Variants in PALLD observed in about 807,000 individuals in gnomAD.
The protein encoded by PALLD is palladin.
PALLD carries 61 observed loss-of-function variants against 123.5 expected under a neutral mutation model. That is an observed-to-expected ratio of 0.49 (90% CI 0.40 to 0.61). The LOEUF is 0.61. Ranked by LOEUF, PALLD falls within the 20% of genes least tolerant of loss-of-function variation. The pLI is 0.00. For missense variants in PALLD, 1,273 were observed against 1,377.0 expected (o/e 0.92, Z 1.20); for synonymous variants, 465 against 496.4 (o/e 0.94, Z 0.84).
chr4:168,679,087 T>G (rs1347065944), intron 3 of PALLD, among the ~76,000 whole-genome samples: 1 of 122,420 alleles, frequency 8.2e-6, no homozygotes, highest in Non-Finnish European at 1.7e-5. Flanking sequence ...AGTATGGATG[T>G]GTTTGGGGTG....
chr4:168,596,060 G>A (rs1323344869), intron 2 of PALLD, among the ~76,000 whole-genome samples: 1 of 151,522 alleles, frequency 6.6e-6, no homozygotes, highest in Non-Finnish European at 1.5e-5. Context: ...GGTAGTTTAA[G>A]TATACTATTT....
intron 10 of PALLD, among the ~76,000 whole-genome samples, chr4:168,808,846 C>T (rs1740628346): frequency 6.6e-6 from 1 of 152,132 alleles, no homozygotes; most frequent in Non-Finnish European, 1.5e-5. Flanking sequence ...CAATTATCTC[C>T]CACCGGATCC....
intron 1 of PALLD, among the ~76,000 whole-genome samples, chr4:168,499,820 T>C (rs1761209073): frequency 6.6e-6 from 1 of 152,228 alleles, no homozygotes; most frequent in Non-Finnish European, 1.5e-5. Context: ...ATGTGGTACA[T>C]GGTATTAAGT....
chr4:168,801,412 G>C (rs917903419), intron 10 of PALLD, among the ~76,000 whole-genome samples: 1 of 152,128 alleles, frequency 6.6e-6, no homozygotes, highest in Non-Finnish European at 1.5e-5. Flanking sequence ...CTGAGTAGCT[G>C]GGATTATAGG....
chr4:168,725,778 G>A lies in PALLD; in HGVS notation c.1964+13855G>A, dbSNP rs184533491. ...CCTGACCTCATGATCCGCCCGCCTC[G>A]GCCTCCCAAAGTGCTGGGATTACAG... is the stretch of plus-strand genomic sequence containing the variant. On this transcript the variant is annotated intron_variant, in intron 10 of 21. Transcript: ENST00000505667. Among the ~76,000 whole-genome samples, 211 of 151,978 alleles carry A rather than the reference G, an allele frequency of 1.4e-3. 1 individual carries two copies. The East Asian group carries it at 0.019, about 14-fold the overall frequency.
Position 168,796,707 on chromosome 4 carries a change from G to A in PALLD, c.1964+84784G>A, listed in dbSNP as rs889202355. ...GTCAATGCCATTAGGTGCTTGAAGAGAAGTTTAAAAATATTCATATGCAGG... is the reference window on the plus strand; with the variant it reads ...GTCAATGCCATTAGGTGCTTGAAGAAAAGTTTAAAAATATTCATATGCAGG... On this transcript the variant is annotated intron_variant, in intron 10 of 21. Coordinates refer to ENST00000505667, the MANE Select transcript of PALLD (RefSeq NM_001166108.2). 7.2e-5 allele frequency among the ~76,000 whole-genome samples: 11 copies of A among 152,280 alleles called. No homozygotes were observed. In the Middle Eastern group the frequency reaches 0.01, roughly 141 times the overall value.
At chr4:168,818,797 A>G (rs985118132) in intron 10 of PALLD, among the ~76,000 whole-genome samples, 1 of 152,220 alleles carries the variant, frequency 6.6e-6, no homozygotes, top group Admixed American at 6.5e-5. Flanking sequence ...TTATGCAGCA[A>G]TTAAAACTGG....
In PALLD at chr4:168,878,101, G is replaced by A. The variant is rs1332395286; in HGVS notation, c.1965-12821G>A. On this transcript the variant is annotated intron_variant, in intron 10 of 21. Coordinates refer to ENST00000505667, the MANE Select transcript of PALLD (RefSeq NM_001166108.2). Reference sequence around the variant, plus strand: ...GCCGCGCCCCCGTGCCGCCCTTCGCGCAGCCCTTCGGCGCTGAGCCCGAGG... The same window carrying A: ...GCCGCGCCCCCGTGCCGCCCTTCGCACAGCCCTTCGGCGCTGAGCCCGAGG... 3 of 1,444,046 alleles carry A rather than the reference G, an allele frequency of 2.1e-6. No homozygotes were observed. Among genetic ancestry groups the A allele is most frequent in the Admixed American group, 2.7e-5 (1 of 36,500 alleles). The allele number at this position is 1,444,046 out of a possible 1,614,324, so 89.5% of individuals were successfully genotyped here. A position where few individuals can be genotyped will look rare whatever the true frequency, so the allele number is the denominator to read the frequency against.
intron 10 of PALLD, among the ~76,000 whole-genome samples, chr4:168,755,202 C>T (rs898764010): frequency 1.4e-5 from 2 of 146,910 alleles, no homozygotes; most frequent in East Asian, 4.0e-4. Flanking sequence ...CACTGCACTC[C>T]AGCCTGGGCG....
intron 5 of PALLD, among the ~76,000 whole-genome samples, chr4:168,685,068 G>T (rs1029620646): frequency 1.3e-5 from 2 of 152,126 alleles, no homozygotes; most frequent in African/African-American, 4.8e-5. Flanking sequence ...AAATAAGATA[G>T]GTAGATGTTT....
chr4:168,644,006 G>A (rs1043570165), intron 2 of PALLD, among the ~76,000 whole-genome samples: 8 of 151,918 alleles, frequency 5.3e-5, no homozygotes, highest in East Asian at 1.9e-4. Context: ...TTTCAAAACC[G>A]CTTGGTGCCT....
At chr4:168,684,444 T>C (rs866433398) in intron 5 of PALLD, among the ~76,000 whole-genome samples, 6 of 152,154 alleles carry the variant, frequency 3.9e-5, no homozygotes, top group Non-Finnish European at 5.9e-5. Flanking sequence ...TGAATCCCAG[T>C]TCTATCACTT....
intron 10 of PALLD, among the ~76,000 whole-genome samples, chr4:168,879,027 G>A (rs767793773): frequency 1.8e-4 from 27 of 152,138 alleles, no homozygotes; most frequent in Admixed American, 1.8e-3. Flanking sequence ...ACTGGAAGGG[G>A]GCAAAAGCAT....
chr4:168,522,741 G>T (rs1008121394), intron 2 of PALLD, among the ~76,000 whole-genome samples: 1 of 152,152 alleles, frequency 6.6e-6, no homozygotes, highest in African/African-American at 2.4e-5. Context: ...CTACCAGTTG[G>T]TGTTTGAATG....
At chr4:168,802,632 G>A (rs564389029) in intron 10 of PALLD, among the ~76,000 whole-genome samples, 1 of 152,188 alleles carries the variant, frequency 6.6e-6, no homozygotes, top group African/African-American at 2.4e-5. Flanking sequence ...ACTACTGTTT[G>A]ATAAAAAGGA....
At chr4:168,876,585 C>A (rs2151106882) in intron 10 of PALLD, among the ~76,000 whole-genome samples, 1 of 152,326 alleles carries the variant, frequency 6.6e-6, no homozygotes, top group Non-Finnish European at 1.5e-5. Context: ...AGACACAGGA[C>A]AGAGTTTAGA....
intron 10 of PALLD, among the ~76,000 whole-genome samples, chr4:168,763,642 G>A (rs188412762): frequency 1.3e-3 from 197 of 152,298 alleles, no homozygotes; most frequent in African/African-American, 4.4e-3. Flanking sequence ...GCAGCAGGAG[G>A]TGGGACAAGC....
chr4:168,878,705 C>T (rs1752205954), intron 10 of PALLD, among the ~76,000 whole-genome samples: 1 of 146,372 alleles, frequency 6.8e-6, no homozygotes, highest in Non-Finnish European at 1.5e-5. Flanking sequence ...GCTTAGCTAT[C>T]ATTTATTGAG....
chr4:168,698,114 G>T lies in PALLD; in HGVS notation c.1501+6822G>T, dbSNP rs113052429. Among the ~76,000 whole-genome samples, 8 of 152,264 alleles carry T rather than the reference G, an allele frequency of 5.3e-5. 1 individual carries two copies. The highest frequency in any genetic ancestry group is 1.9e-4 in the African/African-American group (8 of 41,536). On this transcript the variant is annotated intron_variant, in intron 8 of 21. Coordinates refer to ENST00000505667, the MANE Select transcript of PALLD (RefSeq NM_001166108.2). ...TCATTATGTTAAGTGAAATAAGGCA[G>T]ACACAGAAAGACAAACATCACATGT...
Sources: allele counts gnomAD v4.1 joint callset (sites outside exome capture counted in the v4.1 genomes callset), GRCh38; gene constraint gnomAD v4.1.1; transcripts MANE v1.5; gene names NCBI Gene and HGNC (gene_info 2026-07-23, HGNC 2026-07-21).